COL23A1: variants seen among roughly 807,000 people sequenced by gnomAD.
COL23A1 encodes collagen alpha-1(XXIII) chain.
A neutral mutation model predicts 99.3 loss-of-function variants in COL23A1; 97 were observed. That is an observed-to-expected ratio of 0.98 (90% CI 0.83 to 1.16). COL23A1 has a LOEUF of 1.16. Ranked by LOEUF, COL23A1 falls within the 50% of genes most tolerant of loss-of-function variation. The pLI is 0.00. For synonymous variants in COL23A1, 320 were observed against 308.2 expected, an observed-to-expected ratio of 1.04 and a Z score of -0.40; for missense variants, 762 against 757.4, an observed-to-expected ratio of 1.01 and a Z score of -0.07.
At chr5:178,528,753 C>T (rs1435960429) in intron 2 of COL23A1, among the ~76,000 whole-genome samples, 7 of 152,190 alleles carry the variant, frequency 4.6e-5, no homozygotes, top group African/African-American at 7.2e-5. Context: ...GAGGTTCCGA[C>T]GCGCTGAGAT....
At chr5:178,467,744 T>A (rs1238540274) in intron 2 of COL23A1, among the ~76,000 whole-genome samples, 2 of 152,374 alleles carry the variant, frequency 1.3e-5, no homozygotes, top group African/African-American at 4.8e-5. Flanking sequence ...TTTTAAAAGT[T>A]ATTTTTAAAG....
At chr5:178,373,330 G>A (rs1208742069) in intron 2 of COL23A1, among the ~76,000 whole-genome samples, 1 of 152,190 alleles carries the variant, frequency 6.6e-6, no homozygotes, top group Non-Finnish European at 1.5e-5. Context: ...CAGCGCCCTC[G>A]TTTGGGTTCC....
At chr5:178,571,648 A>T (rs887572532) in intron 1 of COL23A1, among the ~76,000 whole-genome samples, 4 of 152,206 alleles carry the variant, frequency 2.6e-5, no homozygotes, top group African/African-American at 9.7e-5. Flanking sequence ...GAACAAAAAA[A>T]TTAATTAATT....
At chr5:178,394,609 T>A (rs1325342219) in intron 2 of COL23A1, among the ~76,000 whole-genome samples, 1 of 152,246 alleles carries the variant, frequency 6.6e-6, no homozygotes, top group African/African-American at 2.4e-5. Context: ...CTGAAAATCA[T>A]CCTTAGCTAG....
intron 2 of COL23A1, among the ~76,000 whole-genome samples, chr5:178,344,025 C>T (rs1760822997): frequency 6.6e-6 from 1 of 152,098 alleles, no homozygotes; most frequent in South Asian, 2.1e-4. Flanking sequence ...TCCAAGACAG[C>T]TGTCTATCCC....
chr5:178,556,300 AAGG>A (rs1363538899), intron 2 of COL23A1, among the ~76,000 whole-genome samples: 1 of 152,184 alleles, frequency 6.6e-6, no homozygotes, highest in South Asian at 2.1e-4. Context: ...AAAAAAAAAG[AAGG>A]AGGAGGAGGA....
At chr5:178,411,089 G>C (rs1765032655) in intron 2 of COL23A1, among the ~76,000 whole-genome samples, 1 of 152,078 alleles carries the variant, frequency 6.6e-6, no homozygotes, top group Admixed American at 6.6e-5. Flanking sequence ...AACCACAGTG[G>C]AATACCACTT....
intron 3 of COL23A1, among the ~76,000 whole-genome samples, chr5:178,298,509 C>T (rs1389739481): frequency 6.6e-6 from 1 of 152,186 alleles, no homozygotes; most frequent in Non-Finnish European, 1.5e-5. Flanking sequence ...TGAGGGCTGG[C>T]TTCAGTGGCC....
intron 2 of COL23A1, among the ~76,000 whole-genome samples, chr5:178,326,171 C>T (rs577697276): frequency 3.3e-5 from 5 of 152,272 alleles, no homozygotes; most frequent in South Asian, 2.1e-4. Flanking sequence ...GAACACTTGC[C>T]GAATACTCCA....
intron 2 of COL23A1, among the ~76,000 whole-genome samples, chr5:178,400,980 C>G (rs998219562): frequency 6.6e-6 from 1 of 152,146 alleles, no homozygotes; most frequent in Non-Finnish European, 1.5e-5. Flanking sequence ...AACTCTGTAC[C>G]CATGAAACAC....
intron 2 of COL23A1, among the ~76,000 whole-genome samples, chr5:178,358,153 T>TGTGTGTATGTCTA (rs1761858230): frequency 6.7e-6 from 1 of 149,444 alleles, no homozygotes; most frequent in South Asian, 2.1e-4. Flanking sequence ...TGTATGTGTA[T>TGTGTGTATGTCTA]GTGTGTATGT....
intron 2 of COL23A1, among the ~76,000 whole-genome samples, chr5:178,401,810 T>C (rs937910535): frequency 1.3e-5 from 2 of 152,192 alleles, no homozygotes; most frequent in Non-Finnish European, 2.9e-5. Flanking sequence ...GTATTGCTAA[T>C]TGCCTTTGTC....
chr5:178,504,096 T>C (rs1213426217), intron 2 of COL23A1, among the ~76,000 whole-genome samples: 1 of 152,186 alleles, frequency 6.6e-6, no homozygotes, highest in African/African-American at 2.4e-5. Flanking sequence ...GAGCTCTGAA[T>C]TGCTGTGGCC....
chr5:178,404,678 C>T (rs934845093), intron 2 of COL23A1, among the ~76,000 whole-genome samples: 1 of 138,832 alleles, frequency 7.2e-6, no homozygotes. Flanking sequence ...GCAAGGGGCA[C>T]GAAGACCATG....
At chr5:178,490,332 A>G (rs766481205) in intron 2 of COL23A1, among the ~76,000 whole-genome samples, 7 of 152,206 alleles carry the variant, frequency 4.6e-5, no homozygotes, top group Non-Finnish European at 7.4e-5. Context: ...AAGCTAAGTG[A>G]AATAAGCCAC....
intron 2 of COL23A1, among the ~76,000 whole-genome samples, chr5:178,348,075 G>A (rs1295243267): frequency 1.3e-5 from 2 of 151,850 alleles, no homozygotes; most frequent in Admixed American, 1.3e-4. Flanking sequence ...TCGGGGTCTC[G>A]CATGCCTCCA....
chr5:178,524,210 C>T (rs974071191), intron 2 of COL23A1, among the ~76,000 whole-genome samples: 2 of 152,192 alleles, frequency 1.3e-5, no homozygotes, highest in African/African-American at 4.8e-5. Context: ...GGGCTCTCTC[C>T]TTCCCCATCT....
At chr5:178,339,688 C>T (rs1760546048) in intron 2 of COL23A1, among the ~76,000 whole-genome samples, 1 of 152,214 alleles carries the variant, frequency 6.6e-6, no homozygotes, top group Non-Finnish European at 1.5e-5. Flanking sequence ...CGTGAATCTG[C>T]CAGCGCCTCA....
chr5:178,505,384 G>GGATT (rs1758809320), intron 2 of COL23A1, among the ~76,000 whole-genome samples: 1 of 151,948 alleles, frequency 6.6e-6, no homozygotes. Flanking sequence ...TGAGTACCTG[G>GGATT]GATTACAGGC....
Sources: allele counts gnomAD v4.1 joint callset (sites outside exome capture counted in the v4.1 genomes callset), GRCh38; gene constraint gnomAD v4.1.1; transcripts MANE v1.5; gene names NCBI Gene and HGNC (gene_info 2026-07-23, HGNC 2026-07-21).